The following WDR25 variants were observed in gnomAD, a reference collection of about 807,000 sequenced individuals.
WDR25 encodes the protein WD repeat domain 25.
Under a neutral mutation model 47.7 loss-of-function variants are expected in WDR25, and 35 were observed. The observed-to-expected ratio is 0.73, with a 90% CI of 0.56 to 0.97. The LOEUF (loss-of-function observed/expected upper bound fraction) is 0.97. WDR25 is among the 50% of genes least tolerant of loss of function. The pLI, the probability that WDR25 is intolerant of heterozygous loss-of-function variation, is 0.00. For synonymous variants in WDR25, 248 were observed against 278.9 expected (o/e 0.89, Z 1.10); for missense variants, 634 against 704.7 (o/e 0.90, Z 1.14).
At chr14:100,413,275 C>T (rs1253008346) in intron 2 of WDR25, among the ~76,000 whole-genome samples, 2 of 152,220 alleles carry the variant, frequency 1.3e-5, no homozygotes, top group African/African-American at 4.8e-5. Flanking sequence ...GGCACAGAAC[C>T]TTTCCCCTGA....
intron 2 of WDR25, among the ~76,000 whole-genome samples, chr14:100,442,226 T>C (rs1406410690): frequency 6.6e-6 from 1 of 152,094 alleles, no homozygotes; most frequent in Middle Eastern, 3.2e-3. Flanking sequence ...AGCACCTGTT[T>C]TGTGGCTAGC....
At chr14:100,448,001 C>G (rs1898893804) in intron 2 of WDR25, among the ~76,000 whole-genome samples, 1 of 152,106 alleles carries the variant, frequency 6.6e-6, no homozygotes, top group South Asian at 2.1e-4. Flanking sequence ...CGAGACCAGC[C>G]TGACCAACAT....
chr14:100,413,030 A>C (rs1471884963), intron 2 of WDR25, among the ~76,000 whole-genome samples: 2 of 152,062 alleles, frequency 1.3e-5, no homozygotes, highest in African/African-American at 4.8e-5. Flanking sequence ...GAGTTTCACC[A>C]TTTTGGCCAG....
intron 2 of WDR25, among the ~76,000 whole-genome samples, chr14:100,451,700 C>T (rs1899039572): frequency 6.6e-6 from 1 of 151,840 alleles, no homozygotes; most frequent in Non-Finnish European, 1.5e-5. Context: ...TCTTGTGGTG[C>T]CAGAGAGGTT....
At chr14:100,507,887 T>C (rs1175343367) in intron 4 of WDR25, among the ~76,000 whole-genome samples, 2 of 152,116 alleles carry the variant, frequency 1.3e-5, no homozygotes, top group Non-Finnish European at 2.9e-5. Context: ...GTTTGACTTA[T>C]TTTTTCCTAT....
At chr14:100,403,384 G>A (rs1897437917) in intron 2 of WDR25, among the ~76,000 whole-genome samples, 1 of 152,162 alleles carries the variant, frequency 6.6e-6, no homozygotes, top group African/African-American at 2.4e-5. Context: ...AGAGTGAATT[G>A]GAGGCAAAAG....
chr14:100,412,841 G>A (rs765695458), intron 2 of WDR25, among the ~76,000 whole-genome samples: 71 of 152,286 alleles, frequency 4.7e-4, no homozygotes, highest in Admixed American at 1.0e-3. Context: ...TTTTGTTGTT[G>A]TCGTTTTTGA....
Position 100,378,680 on chromosome 14 carries a change from C to CACAGGGAAA in WDR25, c.-16+2185_-16+2186insACAGGGAAA, listed in dbSNP as rs1239205526. ...TGGGGGAAGAATGTTCCAGGCAGGC[C>CACAGGGAAA]GGGCGCGGTGGCTCACGCCTGTAAT... On this transcript the variant is annotated intron_variant, in intron 1 of 6. Transcript: ENST00000402312. Among the ~76,000 whole-genome samples, 94 of 25,984 alleles carry CACAGGGAAA rather than the reference C, an allele frequency of 3.6e-3. 11 individuals carry two copies. Among genetic ancestry groups the CACAGGGAAA allele is most frequent in the Middle Eastern group, 0.033 (1 of 30 alleles). 17.0% of individuals were successfully genotyped at this position (25,984 alleles called of 152,430 possible). A position where few individuals can be genotyped will look rare whatever the true frequency, so the allele number is the denominator to read the frequency against.
chr14:100,465,001 A>G (rs1899576676), intron 2 of WDR25, among the ~76,000 whole-genome samples: 1 of 147,762 alleles, frequency 6.8e-6, no homozygotes, highest in African/African-American at 2.5e-5. Context: ...ACTCTCCCCT[A>G]CATGTTCCAC....
In WDR25 at chr14:100,418,623, G is replaced by A. The variant is rs538299169; in HGVS notation, c.822+36877G>A. Among the ~76,000 whole-genome samples, 354 of 144,480 alleles carry A rather than the reference G, an allele frequency of 2.5e-3. 2 individuals are homozygous for A. The South Asian group carries it at 0.034, about 14-fold the overall frequency. The allele number at this position is 144,480 out of a possible 152,430, so 94.8% of individuals were successfully genotyped here. On this transcript the variant is annotated intron_variant, in intron 2 of 6. Coordinates refer to ENST00000402312, the MANE Select transcript of WDR25 (RefSeq NM_001161476.3). ...CTGCACTCTAGCCTGGCGACTGAGC[G>A]AGACTCCGTCTCAAAAAAAAAAAAA...
At chr14:100,386,314 C>T (rs935857325) in intron 2 of WDR25, among the ~76,000 whole-genome samples, 5 of 152,184 alleles carry the variant, frequency 3.3e-5, no homozygotes, top group African/African-American at 4.8e-5. Context: ...GGTCGGGGGC[C>T]CTACATTCCT....
At chr14:100,510,177 A>G (rs917131986) in intron 4 of WDR25, among the ~76,000 whole-genome samples, 3 of 151,756 alleles carry the variant, frequency 2.0e-5, no homozygotes, top group African/African-American at 7.3e-5. Flanking sequence ...GGCTGAGGCA[A>G]GAGAATTGCT....
At chr14:100,466,753 C>T (rs1317662690) in intron 2 of WDR25, among the ~76,000 whole-genome samples, 2 of 151,942 alleles carry the variant, frequency 1.3e-5, no homozygotes, top group Non-Finnish European at 1.5e-5. Context: ...CTCTGCTTCT[C>T]GGGTTCAGCC....
chr14:100,476,330 T>G (rs1452180346), intron 3 of WDR25: 1 of 152,238 alleles, frequency 6.6e-6, no homozygotes, highest in African/African-American at 2.4e-5. Context: ...AGTAAGTTTC[T>G]TTTCTCGTTA....
At chr14:100,434,086 A>G (rs764011348) in intron 2 of WDR25, among the ~76,000 whole-genome samples, 1 of 152,146 alleles carries the variant, frequency 6.6e-6, no homozygotes, top group East Asian at 1.9e-4. Context: ...AAGAAAAAAA[A>G]ACCAGAGAGA....
In WDR25 at chr14:100,381,026, C is replaced by T. The variant is rs957637119; in HGVS notation, c.102C>T (p.Gly34=). 1.2e-6 allele frequency: 2 copies of T among 1,614,084 alleles called. No individual in the cohort carries two copies. The highest frequency in any genetic ancestry group is 1.1e-5 in the South Asian group (1 of 91,094). The change falls in exon 2 of 7, where the codon GGC becomes GGT. Residue 34 remains glycine, a synonymous_variant. Coordinates refer to ENST00000402312, the MANE Select transcript of WDR25 (RefSeq NM_001161476.3). Reference sequence around the variant, plus strand: ...ATGCAGGAAGTTTTAATGCTACCGGCCAGCAGAAAGACACTTCTGGTGTGG... The same window carrying T: ...ATGCAGGAAGTTTTAATGCTACCGGTCAGCAGAAAGACACTTCTGGTGTGG... ...TEHAGSFNAT[G]QQKDTSGVAR...
At chr14:100,400,965 G>A (rs1566891384) in intron 2 of WDR25, among the ~76,000 whole-genome samples, 1 of 152,270 alleles carries the variant, frequency 6.6e-6, no homozygotes. Context: ...GTAAATCTCT[G>A]TGGGATCTTT....
At chr14:100,417,562 C>A (rs1017688217) in intron 2 of WDR25, among the ~76,000 whole-genome samples, 1 of 152,164 alleles carries the variant, frequency 6.6e-6, no homozygotes, top group African/African-American at 2.4e-5. Context: ...GAGGCTACTG[C>A]GAGTCACCTT....
At chr14:100,405,894 G>C (rs1897522941) in intron 2 of WDR25, among the ~76,000 whole-genome samples, 1 of 152,236 alleles carries the variant, frequency 6.6e-6, no homozygotes, top group South Asian at 2.1e-4. Context: ...ACAGGGCCAG[G>C]CTGTGCATAG....
Sources: allele counts gnomAD v4.1 joint callset (sites outside exome capture counted in the v4.1 genomes callset), GRCh38; gene constraint gnomAD v4.1.1; transcripts MANE v1.5; gene names NCBI Gene and HGNC (gene_info 2026-07-23, HGNC 2026-07-21).